PARD3B: variants seen among roughly 807,000 people sequenced by gnomAD.
The protein encoded by PARD3B is partitioning defective 3 homolog B.
PARD3B carries 103 observed loss-of-function variants against 130.2 expected under a neutral mutation model. The observed-to-expected ratio is 0.79, with a 90% CI of 0.67 to 0.93. The LOEUF is 0.93. Ranked by LOEUF, PARD3B falls within the 40% of genes least tolerant of loss-of-function variation. PARD3B has a pLI of 0.00. For synonymous variants in PARD3B, 583 were observed against 553.2 expected (o/e 1.05, Z -0.76); for missense variants, 1,609 against 1,499.2 (o/e 1.07, Z -1.21).
intron 22 of PARD3B, among the ~76,000 whole-genome samples, chr2:205,561,672 TC>T (rs1195028017): frequency 6.6e-6 from 1 of 152,188 alleles, no homozygotes; most frequent in Non-Finnish European, 1.5e-5. Flanking sequence ...CTTTGACACT[TC>T]CCTGGTGGTG....
At chr2:205,059,978 C>T (rs1490121323) in intron 4 of PARD3B, among the ~76,000 whole-genome samples, 2 of 152,020 alleles carry the variant, frequency 1.3e-5, no homozygotes, top group African/African-American at 2.4e-5. Flanking sequence ...TTTATTGCCT[C>T]CATTTTACAG....
At chr2:204,628,977 A>G (rs2034583680) in intron 1 of PARD3B, among the ~76,000 whole-genome samples, 1 of 152,176 alleles carries the variant, frequency 6.6e-6, no homozygotes, top group Admixed American at 6.6e-5. Context: ...CATTTGTTTC[A>G]CTGTAGTGTC....
At position 205,518,123 on chromosome 2, in the gene PARD3B, G is replaced by A. The variant is rs541467535; in HGVS notation, c.3180+18092G>A. 1.4e-4 allele frequency among the ~76,000 whole-genome samples: 21 copies of A among 152,210 alleles called. 1 individual carries two copies. The South Asian group carries it at 3.7e-3, about 27-fold the overall frequency. ...CCATTTGGTCCAGTGTTGAGTTCAG[G>A]TCCTGAATATCTTTGTAAATTTTCT... On this transcript the variant is annotated intron_variant, in intron 21 of 22. Transcript: ENST00000406610.
At chr2:205,420,200 G>A (rs1051869564) in intron 19 of PARD3B, among the ~76,000 whole-genome samples, 1 of 152,178 alleles carries the variant, frequency 6.6e-6, no homozygotes, top group African/African-American at 2.4e-5. Flanking sequence ...TATTAGTGGT[G>A]TGTGCATGTG....
intron 1 of PARD3B, among the ~76,000 whole-genome samples, chr2:204,549,032 C>T (rs1386490344): frequency 4.6e-5 from 7 of 152,282 alleles, no homozygotes; most frequent in African/African-American, 7.2e-5. Flanking sequence ...TTCTATATTT[C>T]GTGGACAGCG....
chr2:204,960,566 AT>A lies in PARD3B; in HGVS notation c.223-4585del, dbSNP rs1690655907. Among the ~76,000 whole-genome samples, 3 of 152,038 alleles carry A rather than the reference AT, an allele frequency of 2.0e-5. No homozygotes were observed. The South Asian group carries it at 6.2e-4, about 32-fold the overall frequency. On this transcript the variant is annotated intron_variant, in intron 2 of 22. Transcript: ENST00000406610. ...CACATTCATTTAATTTTTTAAAAAAATATTTGAATGTTTATTCTAAAAACAT... is the reference window on the plus strand; with the variant it reads ...CACATTCATTTAATTTTTTAAAAAAAATTTGAATGTTTATTCTAAAAACAT...
intron 3 of PARD3B, among the ~76,000 whole-genome samples, chr2:204,998,424 G>C (rs569160993): frequency 4.5e-5 from 1 of 22,330 alleles, no homozygotes; most frequent in Non-Finnish European, 1.0e-4. Context: ...ATGTATATAT[G>C]TGTATATATA....
chr2:204,774,745 G>T (rs2041539771), intron 2 of PARD3B, among the ~76,000 whole-genome samples: 1 of 152,068 alleles, frequency 6.6e-6, no homozygotes, highest in African/African-American at 2.4e-5. Flanking sequence ...CTATGAAAAT[G>T]TTATGATTTT....
At chr2:205,404,190 G>T (rs114015265) in intron 19 of PARD3B, among the ~76,000 whole-genome samples, 146 of 152,250 alleles carry the variant, frequency 9.6e-4, no homozygotes, top group African/African-American at 3.4e-3. Flanking sequence ...ACCAACCGCA[G>T]ATTGAAAATA....
At chr2:205,482,070 C>G (rs1247103712) in intron 20 of PARD3B, among the ~76,000 whole-genome samples, 1 of 152,110 alleles carries the variant, frequency 6.6e-6, no homozygotes, top group Non-Finnish European at 1.5e-5. Context: ...CCATGCGAGC[C>G]ACTCCGGGGA....
intron 21 of PARD3B, among the ~76,000 whole-genome samples, chr2:205,524,184 A>G (rs747520551): frequency 6.6e-6 from 1 of 152,172 alleles, no homozygotes; most frequent in East Asian, 1.9e-4. Context: ...TGGTCTCTGC[A>G]TTCATTTTGC....
chr2:205,283,965 C>G (rs1559620586), intron 16 of PARD3B, among the ~76,000 whole-genome samples: 1 of 152,140 alleles, frequency 6.6e-6, no homozygotes, highest in Non-Finnish European at 1.5e-5. Flanking sequence ...GGAAGTTACT[C>G]AGATTTCTAG....
Position 204,764,712 on chromosome 2 carries a change from A to ATGTG in PARD3B, c.222+78432_222+78433insTGTG, listed in dbSNP as rs1387737555. ...GACCAGCAGGCTGAATCTGGCATGCATGCGTGTGTGTGTGTGTGTGTGTGT... is the reference window on the plus strand; with the variant it reads ...GACCAGCAGGCTGAATCTGGCATGCATGTGTGCGTGTGTGTGTGTGTGTGTGTGT... On this transcript the variant is annotated intron_variant, in intron 2 of 22. Coordinates refer to ENST00000406610, the MANE Select transcript of PARD3B (RefSeq NM_001302769.2). Among the ~76,000 whole-genome samples, 233 of 43,076 alleles carry ATGTG rather than the reference A, an allele frequency of 5.4e-3. 2 individuals carry two copies. The highest frequency in any genetic ancestry group is 0.012 in the African/African-American group (212 of 17,076). The allele number at this position is 43,076 out of a possible 152,430, so 28.3% of individuals were successfully genotyped here.
At chr2:205,614,375 T>C (rs2055344345) in intron 22 of PARD3B, among the ~76,000 whole-genome samples, 3 of 152,212 alleles carry the variant, frequency 2.0e-5, no homozygotes, top group Admixed American at 2.0e-4. Flanking sequence ...TGCTACTTCC[T>C]GGCTTTGTGG....
At chr2:204,821,797 A>T (rs1189085164) in intron 2 of PARD3B, among the ~76,000 whole-genome samples, 1 of 152,130 alleles carries the variant, frequency 6.6e-6, no homozygotes, top group Non-Finnish European at 1.5e-5. Context: ...GTGAGACGTG[A>T]CTAGCTTCTT....
At chr2:205,603,669 A>G (rs184431915) in intron 22 of PARD3B, among the ~76,000 whole-genome samples, 326 of 152,304 alleles carry the variant, frequency 2.1e-3, no homozygotes, top group Admixed American at 3.5e-3. Flanking sequence ...CCAGAATTGC[A>G]ACCCCTGCTT....
At position 205,048,544 on chromosome 2, in the gene PARD3B, A is replaced by C. The variant is rs529530679; in HGVS notation, c.504+854A>C. 3.3e-5 allele frequency: 5 copies of C among 152,312 alleles called. No homozygotes were observed. In the South Asian group the frequency reaches 1.0e-3, roughly 32 times the overall value. 9.4% of individuals were successfully genotyped at this position (152,312 alleles called of 1,614,324 possible). A position where few individuals can be genotyped will look rare whatever the true frequency, so the allele number is the denominator to read the frequency against. Reference sequence around the variant, plus strand: ...CTTCGATAACATAGCCATATTAAAAATTCCCTAAAAGCAAGACTCTTTCTC... The same window carrying C: ...CTTCGATAACATAGCCATATTAAAACTTCCCTAAAAGCAAGACTCTTTCTC... On this transcript the variant is annotated intron_variant, in intron 4 of 22. Coordinates refer to ENST00000406610, the MANE Select transcript of PARD3B (RefSeq NM_001302769.2).
At chr2:204,837,245 A>C (rs2044073391) in intron 2 of PARD3B, among the ~76,000 whole-genome samples, 1 of 152,142 alleles carries the variant, frequency 6.6e-6, no homozygotes, top group Admixed American at 6.5e-5. Context: ...TCTCTTAGAC[A>C]GTACGTAGTT....
chr2:205,455,361 T>G (rs907260246), intron 20 of PARD3B, among the ~76,000 whole-genome samples: 1 of 152,120 alleles, frequency 6.6e-6, no homozygotes, highest in African/African-American at 2.4e-5. Flanking sequence ...AGTTCATATA[T>G]GTAAACAGAA....
Sources: allele counts gnomAD v4.1 joint callset (sites outside exome capture counted in the v4.1 genomes callset), GRCh38; gene constraint gnomAD v4.1.1; transcripts MANE v1.5; gene names NCBI Gene and HGNC (gene_info 2026-07-23, HGNC 2026-07-21).